STON2: variants seen among roughly 807,000 people sequenced by gnomAD.
STON2 encodes the protein stonin 2.
STON2 carries 29 observed loss-of-function variants against 65.7 expected under a neutral mutation model. The ratio of observed to expected loss-of-function variants is 0.44; its 90% CI spans 0.33 to 0.60. STON2 has a LOEUF of 0.60. Among genes scored for constraint, STON2 ranks in the 20% least tolerant of loss-of-function variants. STON2 has a pLI of 0.03. For missense variants in STON2, 1,054 were observed against 1,118.1 expected, an observed-to-expected ratio of 0.94 and a Z score of 0.82; for synonymous variants, 404 against 414.2, an observed-to-expected ratio of 0.98 and a Z score of 0.30.
In STON2 at chr14:81,278,527, T is replaced by C. The variant is rs374936939; in HGVS notation, c.955A>G (p.Ile319Val). 12 of 1,613,894 alleles carry C rather than the reference T, an allele frequency of 7.4e-6. No individual in the cohort carries two copies. In the African/African-American group the frequency reaches 8.0e-5, roughly 11 times the overall value. The change falls in exon 6 of 8, where the codon ATC (isoleucine) becomes GTC (valine). Residue 319 changes from isoleucine (I) to valine (V), a missense_variant. Transcript: ENST00000614646. ...ATTGAATTATAAGGTACATCTGGGA[T>C]CACAGATGCACTTGGTGGTGTATTT... is the stretch of plus-strand genomic sequence containing the variant. ...KPNTPPSASV[I>V]PDVPYNSMGS...
At chr14:81,343,935 G>A (rs987201991) in intron 4 of STON2, among the ~76,000 whole-genome samples, 1 of 152,180 alleles carries the variant, frequency 6.6e-6, no homozygotes, top group Non-Finnish European at 1.5e-5. Context: ...GTTTAACCCT[G>A]TTCTGTCAAA....
intron 4 of STON2, among the ~76,000 whole-genome samples, chr14:81,338,048 T>C (rs1358637299): frequency 1.3e-5 from 2 of 152,218 alleles, no homozygotes; most frequent in Non-Finnish European, 1.5e-5. Context: ...ATAGAGGTCA[T>C]AGGAGAATCT....
intron 5 of STON2, among the ~76,000 whole-genome samples, chr14:81,309,101 C>T (rs1896325137): frequency 1.4e-4 from 1 of 7,302 alleles, no homozygotes; most frequent in Non-Finnish European, 3.5e-4. Flanking sequence ...AAAAAAAAAA[C>T]TCGTTATTTT....
chr14:81,412,903 C>T lies in STON2; in HGVS notation c.-199+14199G>A, dbSNP rs573220492. On this transcript the variant is annotated intron_variant, in intron 2 of 8. Coordinates refer to the STON2 transcript ENST00000553821. ...CTTCCATAGCGATGGCAGCTCCAGC[C>T]GGGCGATGCTTAGCACCTCCCCAGG... The T allele has an allele frequency of 1.1e-4, 68 of 599,974 alleles. 13 individuals carry two copies. In the East Asian group the frequency reaches 2.1e-3, roughly 19 times the overall value. 37.2% of individuals were successfully genotyped at this position (599,974 alleles called of 1,614,324 possible). A position where few individuals can be genotyped will look rare whatever the true frequency, so the allele number is the denominator to read the frequency against.
At chr14:81,370,950 T>C in intron 4 of STON2, 38 bp downstream of exon 4, 1 of 1,593,948 alleles carries the variant, frequency 6.3e-7, no homozygotes, top group South Asian at 1.1e-5. Flanking sequence ...ACACCAAAAG[T>C]GATTTGCAAA....
intron 4 of STON2, among the ~76,000 whole-genome samples, chr14:81,335,634 G>A (rs1897343737): frequency 6.6e-6 from 1 of 152,210 alleles, no homozygotes; most frequent in Non-Finnish European, 1.5e-5. Context: ...AAAGACGTAA[G>A]TTGGAAGAAG....
chr14:81,281,836 T>A (rs548365477), intron 5 of STON2, among the ~76,000 whole-genome samples: 1 of 152,336 alleles, frequency 6.6e-6, no homozygotes, highest in Non-Finnish European at 1.5e-5. Flanking sequence ...GGGAAATGTT[T>A]GAATTCAATT....
At chr14:81,408,922 A>G (rs1901009283) in intron 2 of STON2, among the ~76,000 whole-genome samples, 1 of 152,218 alleles carries the variant, frequency 6.6e-6, no homozygotes, top group Non-Finnish European at 1.5e-5. Context: ...CTCTTAGAAG[A>G]CATTGACTTA....
chr14:81,347,738 C>T (rs61560331), intron 4 of STON2, among the ~76,000 whole-genome samples: 36,215 of 147,944 alleles, frequency 0.24, 4,880 homozygotes, highest in South Asian at 0.34. Flanking sequence ...ACCCCCTCCC[C>T]CTTCTCTATA....
chr14:81,276,155 A>T (rs1156930080), intron 6 of STON2, among the ~76,000 whole-genome samples: 2 of 152,190 alleles, frequency 1.3e-5, no homozygotes, highest in African/African-American at 2.4e-5. Flanking sequence ...CATTTCACTA[A>T]ATCTCACGGG....
chr14:81,316,635 T>G (rs1896630739), intron 5 of STON2, among the ~76,000 whole-genome samples: 1 of 152,238 alleles, frequency 6.6e-6, no homozygotes, highest in African/African-American at 2.4e-5. Context: ...TCCTTTGTAC[T>G]TCAGTTTCCT....
At chr14:81,414,811 A>C (rs1216754725) in intron 2 of STON2, among the ~76,000 whole-genome samples, 1 of 152,234 alleles carries the variant, frequency 6.6e-6, no homozygotes, top group Admixed American at 6.5e-5. Context: ...AATAATAATT[A>C]TAAATTAGAT....
intron 4 of STON2, among the ~76,000 whole-genome samples, chr14:81,351,960 T>C (rs935832385): frequency 6.6e-6 from 1 of 152,202 alleles, no homozygotes; most frequent in African/African-American, 2.4e-5. Context: ...GTCAGTCTCC[T>C]AAAGCCTAGG....
intron 2 of STON2, among the ~76,000 whole-genome samples, chr14:81,422,949 C>T (rs575592783): frequency 2.6e-5 from 4 of 152,030 alleles, no homozygotes; most frequent in East Asian, 1.9e-4. Context: ...GTAGGAAAAT[C>T]GCTTGAACCC....
At chr14:81,282,796 T>C (rs759634903) in intron 5 of STON2, among the ~76,000 whole-genome samples, 22 of 152,214 alleles carry the variant, frequency 1.4e-4, no homozygotes, top group Non-Finnish European at 2.5e-4. Context: ...AGCTATAGTC[T>C]GTATTGAGAA....
intron 4 of STON2, among the ~76,000 whole-genome samples, chr14:81,354,074 G>A (rs898831270): frequency 6.6e-6 from 1 of 152,178 alleles, no homozygotes; most frequent in Non-Finnish European, 1.5e-5. Context: ...AACTCCACCT[G>A]ACCTCTGGGC....
At chr14:81,284,314 A>G (rs1417980049) in intron 5 of STON2, among the ~76,000 whole-genome samples, 1 of 152,224 alleles carries the variant, frequency 6.6e-6, no homozygotes, top group Non-Finnish European at 1.5e-5. Context: ...TAGGCCTTCC[A>G]TGCCAGTTAA....
chr14:81,424,504 A>C (rs1901872357), intron 2 of STON2, among the ~76,000 whole-genome samples: 1 of 152,116 alleles, frequency 6.6e-6, no homozygotes, highest in Non-Finnish European at 1.5e-5. Flanking sequence ...CTCACTAAAA[A>C]AAAAAAAAAT....
chr14:81,343,552 T>C (rs1401164934), intron 4 of STON2, among the ~76,000 whole-genome samples: 6 of 152,016 alleles, frequency 3.9e-5, no homozygotes, highest in African/African-American at 7.3e-5. Context: ...CACCCTTCAG[T>C]CAATGAGAAC....
Sources: allele counts gnomAD v4.1 joint callset (sites outside exome capture counted in the v4.1 genomes callset), GRCh38; gene constraint gnomAD v4.1.1; transcripts MANE v1.5; gene names NCBI Gene and HGNC (gene_info 2026-07-23, HGNC 2026-07-21).